Variants in NXN observed in about 807,000 individuals in gnomAD.
The protein encoded by NXN is nucleoredoxin.
A neutral mutation model predicts 48.6 loss-of-function variants in NXN; 16 were observed. That is an observed-to-expected ratio of 0.33 (90% CI 0.22 to 0.50). NXN has a LOEUF of 0.50. NXN is among the 20% of genes least tolerant of loss of function. NXN has a pLI of 0.98. For missense variants in NXN, 492 were observed against 605.5 expected (o/e 0.81, Z 1.97); for synonymous variants, 281 against 269.6 (o/e 1.04, Z -0.41).
intron 1 of NXN, among the ~76,000 whole-genome samples, chr17:892,936 A>C (rs766026941): frequency 6.6e-6 from 1 of 152,272 alleles, no homozygotes; most frequent in African/African-American, 2.4e-5. Context: ...GTAGCGCACC[A>C]ATGCAAGATG....
chr17:968,720 T>C (rs1017959103), intron 1 of NXN, among the ~76,000 whole-genome samples: 5 of 152,116 alleles, frequency 3.3e-5, no homozygotes, highest in Admixed American at 6.5e-5. Context: ...GGCGGATCGC[T>C]TGAGGTCAGG....
In NXN at chr17:822,431, C is replaced by G. The variant is rs868406577; in HGVS notation, c.639G>C (p.Arg213=). Residue 213 remains arginine, a synonymous_variant, in exon 4 of 8, where the codon CGG becomes CGC. Transcript: ENST00000336868. ...TCTTCCGGTAGGATTCCACCAGGAC[C>G]CGGGTGAGGCTTCGGCAGGGCGGAC... The part of the protein sequence containing the change: ...HWCPPCRSLT[R]VLVESYRKIK... The G allele has an allele frequency of 2.5e-6, 4 of 1,613,936 alleles. No homozygotes were observed. In the African/African-American group the frequency reaches 5.3e-5, roughly 22 times the overall value.
At chr17:925,578 G>A (rs7224743) in intron 1 of NXN, among the ~76,000 whole-genome samples, 59,423 of 152,006 alleles carry the variant, frequency 0.39, 11,814 homozygotes, top group Middle Eastern at 0.47. Flanking sequence ...TAGTAGAGAC[G>A]GGGTTTCACC....
At chr17:827,614 C>A (rs945103808) in intron 1 of NXN, among the ~76,000 whole-genome samples, 2 of 152,144 alleles carry the variant, frequency 1.3e-5, no homozygotes, top group Admixed American at 6.5e-5. Context: ...CAGAGTGAGA[C>A]TCCGTCTCAA....
At chr17:960,968 T>C (rs1236930599) in intron 1 of NXN, among the ~76,000 whole-genome samples, 1 of 151,330 alleles carries the variant, frequency 6.6e-6, no homozygotes, top group Non-Finnish European at 1.5e-5. Context: ...CTATTTTTAG[T>C]AGAGACGGGG....
At chr17:945,379 GCCC>G (rs1233196473) in intron 1 of NXN, among the ~76,000 whole-genome samples, 2 of 151,864 alleles carry the variant, frequency 1.3e-5, no homozygotes, top group African/African-American at 2.4e-5. Flanking sequence ...ACTGTGCCCT[GCCC>G]CCAAGTGGAT....
intron 5 of NXN, among the ~76,000 whole-genome samples, chr17:817,914 A>G (rs73285798): frequency 0.026 from 3,991 of 152,174 alleles, 164 homozygotes; most frequent in African/African-American, 0.087. Context: ...GAAGGCTGGG[A>G]AGGAGGTATT....
chr17:857,362 G>A (rs1444711518), intron 1 of NXN, among the ~76,000 whole-genome samples: 2 of 152,172 alleles, frequency 1.3e-5, no homozygotes, highest in Non-Finnish European at 2.9e-5. Context: ...CTGGGCTCAA[G>A]GGATTCTCCT....
rs957742654 is a variant in NXN, at chr17:917,344, T to C, written c.360+61975A>G. On this transcript the variant is annotated intron_variant, in intron 1 of 7. Coordinates refer to ENST00000336868, the MANE Select transcript of NXN (RefSeq NM_022463.5). The surrounding 1 kb of genome is among the most constrained non-coding windows in gnomAD (Gnocchi z 4.5). ...TTTTAGTAGAGACGGGGTTTCACCATGTTGGCCAGGCTGGTCTCAATCTCT... is the reference window on the plus strand; with the variant it reads ...TTTTAGTAGAGACGGGGTTTCACCACGTTGGCCAGGCTGGTCTCAATCTCT... Among the ~76,000 whole-genome samples the C allele has an allele frequency of 1.3e-5, 2 of 152,346 alleles. No individual in the cohort carries two copies. Among genetic ancestry groups the C allele is most frequent in the African/African-American group, 4.8e-5 (2 of 41,594 alleles).
intron 7 of NXN, among the ~76,000 whole-genome samples, chr17:801,596 C>A (rs928675603): frequency 1.3e-5 from 2 of 151,826 alleles, no homozygotes; most frequent in African/African-American, 4.8e-5. Context: ...CAGGCGCCCA[C>A]CACGCCCGGC....
At chr17:896,863 C>CGGGGG in intron 1 of NXN, 1 of 645,248 alleles carries the variant, frequency 1.5e-6, no homozygotes, top group Non-Finnish European at 2.3e-6. Flanking sequence ...GACCACCCGC[C>CGGGGG]CCCGGCCCCT....
intron 1 of NXN, among the ~76,000 whole-genome samples, chr17:856,319 A>C (rs1192601899): frequency 6.6e-6 from 1 of 152,172 alleles, no homozygotes; most frequent in East Asian, 1.9e-4. Context: ...AAGCCTCTGC[A>C]AACACAAAAC....
chr17:820,227 G>A (rs113465363), intron 4 of NXN, among the ~76,000 whole-genome samples: 12,049 of 152,218 alleles, frequency 0.079, 613 homozygotes, highest in Middle Eastern at 0.13. Context: ...AACATGGTAC[G>A]TACATTGGTC....
At chr17:902,923 T>C (rs1033381923) in intron 1 of NXN, among the ~76,000 whole-genome samples, 31 of 150,996 alleles carry the variant, frequency 2.1e-4, no homozygotes, top group African/African-American at 5.6e-4. Context: ...GGATGCACCA[T>C]CACGTCTGGC....
chr17:801,395 C>CA (rs1276116803), intron 7 of NXN, among the ~76,000 whole-genome samples: 1 of 151,024 alleles, frequency 6.6e-6, no homozygotes, highest in Non-Finnish European at 1.5e-5. Flanking sequence ...TATTTATTAG[C>CA]ATCAACACCA....
chr17:900,479 C>T (rs1171004927), intron 1 of NXN, among the ~76,000 whole-genome samples: 8 of 152,006 alleles, frequency 5.3e-5, no homozygotes, highest in African/African-American at 1.7e-4. Flanking sequence ...CAGAGAGGCA[C>T]GAGGAAGGTA....
intron 6 of NXN, 69 bp from the exon 7 acceptor site, chr17:803,875 C>T (rs1911339448): frequency 1.6e-5 from 25 of 1,596,060 alleles, no homozygotes; most frequent in South Asian, 7.8e-5. Flanking sequence ...GAGCGGCACC[C>T]GCCGAGGGGG....
At chr17:927,404 T>G (rs1248746172) in intron 1 of NXN, among the ~76,000 whole-genome samples, 1 of 151,746 alleles carries the variant, frequency 6.6e-6, no homozygotes, top group Non-Finnish European at 1.5e-5. Context: ...AGCTCACAAG[T>G]TCCGGACCAG....
At chr17:876,410 C>G (rs1188140033) in intron 1 of NXN, among the ~76,000 whole-genome samples, 1 of 152,180 alleles carries the variant, frequency 6.6e-6, no homozygotes, top group Non-Finnish European at 1.5e-5. Flanking sequence ...GAAGTCAACA[C>G]AGGCTACGAC....
Sources: gnomAD v4.1 joint callset for allele counts (sites outside exome capture counted in the v4.1 genomes callset) on GRCh38, gnomAD v4.1.1 for gene constraint, Gnocchi (gnomAD v3.1) non-coding constraint, MANE v1.5 for transcripts, NCBI Gene and HGNC (gene_info 2026-07-23, HGNC 2026-07-21) for gene names.